The following HTR1F variants were observed in gnomAD, a reference collection of about 807,000 sequenced individuals.
The protein encoded by HTR1F is 5-hydroxytryptamine receptor 1F.
HTR1F carries 17 observed loss-of-function variants against 24.0 expected under a neutral mutation model. That is an observed-to-expected ratio of 0.71 (90% confidence interval 0.48 to 1.06). The LOEUF is 1.06. Ranked by LOEUF, HTR1F falls within the 50% of genes least tolerant of loss-of-function variation. HTR1F has a pLI of 0.00. For missense variants in HTR1F, 391 were observed against 427.8 expected (o/e 0.91, Z 0.76); for synonymous variants, 186 against 156.8 (o/e 1.19, Z -1.39).
intron 1 of HTR1F, among the ~76,000 whole-genome samples, chr3:87,801,914 CCTTTAATA>C (rs2107068545): frequency 6.6e-6 from 1 of 152,226 alleles, no homozygotes; most frequent in Admixed American, 6.5e-5. Flanking sequence ...ATGTTTTGAT[CCTTTAATA>C]CTTTGTTTTT....
intron 2 of HTR1F, among the ~76,000 whole-genome samples, chr3:87,829,401 T>C (rs544516862): frequency 6.6e-6 from 1 of 152,352 alleles, no homozygotes; most frequent in African/African-American, 2.4e-5. Context: ...ATATGCGATA[T>C]GCACAATGTG....
intron 2 of HTR1F, among the ~76,000 whole-genome samples, chr3:87,852,835 CTT>C (rs1018582911): frequency 1.3e-5 from 2 of 151,692 alleles, no homozygotes; most frequent in African/African-American, 4.9e-5. Flanking sequence ...AATATTAAAA[CTT>C]ATTGTGATTC....
intron 2 of HTR1F, among the ~76,000 whole-genome samples, chr3:87,978,894 A>C (rs13061379): frequency 3.5e-4 from 9 of 25,678 alleles, no homozygotes; most frequent in African/African-American, 8.0e-4. Context: ...GGGAGGGAGG[A>C]AGGAAGGAAG....
At chr3:87,988,675 C>T (rs539854721) in intron 2 of HTR1F, among the ~76,000 whole-genome samples, 1 of 152,088 alleles carries the variant, frequency 6.6e-6, no homozygotes, top group Non-Finnish European at 1.5e-5. Flanking sequence ...CCTCCACTTC[C>T]CGAGTTCAAG....
chr3:87,981,062 C>A (rs144717226), intron 2 of HTR1F, among the ~76,000 whole-genome samples: 1 of 152,160 alleles, frequency 6.6e-6, no homozygotes, highest in Non-Finnish European at 1.5e-5. Flanking sequence ...TCCCAGCTCC[C>A]GCCAGCTCCC....
At chr3:87,817,933 A>G (rs1398109271) in intron 1 of HTR1F, among the ~76,000 whole-genome samples, 4 of 152,196 alleles carry the variant, frequency 2.6e-5, no homozygotes, top group African/African-American at 9.6e-5. Flanking sequence ...TTCATCAAAG[A>G]TGGAATTGAC....
chr3:87,936,560 C>T (rs1704423421), intron 2 of HTR1F, among the ~76,000 whole-genome samples: 1 of 151,952 alleles, frequency 6.6e-6, no homozygotes, highest in African/African-American at 2.4e-5. Flanking sequence ...CAATAAGATA[C>T]CACAGACTGG....
intron 2 of HTR1F, among the ~76,000 whole-genome samples, chr3:87,893,467 T>C (rs1706127974): frequency 6.6e-6 from 1 of 152,210 alleles, no homozygotes. Flanking sequence ...ATTTTGCAGA[T>C]TATTATTAGA....
At chr3:87,895,422 C>T (rs1706177324) in intron 2 of HTR1F, among the ~76,000 whole-genome samples, 3 of 151,966 alleles carry the variant, frequency 2.0e-5, no homozygotes, top group African/African-American at 7.2e-5. Context: ...CATATATACA[C>T]ACATATTATT....
chr3:87,849,106 A>C (rs1297368294), intron 2 of HTR1F, among the ~76,000 whole-genome samples: 1 of 151,500 alleles, frequency 6.6e-6, no homozygotes, highest in African/African-American at 2.4e-5. Context: ...GGAAAAAACT[A>C]CTTTAAAGTT....
chr3:87,816,638 T>G (rs770054567), intron 1 of HTR1F, among the ~76,000 whole-genome samples: 5 of 152,084 alleles, frequency 3.3e-5, no homozygotes, highest in African/African-American at 4.8e-5. Context: ...ACAGCTCTTA[T>G]TTGTATAAAT....
intron 2 of HTR1F, among the ~76,000 whole-genome samples, chr3:87,857,555 C>T (rs1221734446): frequency 7.2e-5 from 11 of 152,078 alleles, no homozygotes; most frequent in Non-Finnish European, 8.8e-5. Context: ...TCTAAATGTC[C>T]GTGATCTCCA....
intron 2 of HTR1F, among the ~76,000 whole-genome samples, chr3:87,894,378 T>C (rs1438887591): frequency 6.6e-6 from 1 of 151,828 alleles, no homozygotes; most frequent in Admixed American, 6.6e-5. Flanking sequence ...AGCCTCAGCC[T>C]CCCGAGTAGC....
At chr3:87,858,623 G>A (rs1343251485) in intron 2 of HTR1F, among the ~76,000 whole-genome samples, 1 of 151,326 alleles carries the variant, frequency 6.6e-6, no homozygotes, top group Non-Finnish European at 1.5e-5. Context: ...GTAATTGCTT[G>A]TAAAATTAAT....
intron 2 of HTR1F, among the ~76,000 whole-genome samples, chr3:87,869,394 TAG>T (rs1491192675): frequency 1.4e-5 from 1 of 69,310 alleles, no homozygotes. Context: ...GACAAACAGA[TAG>T]ATAGATAGAT....
intron 2 of HTR1F, among the ~76,000 whole-genome samples, chr3:87,836,278 T>C (rs1464815236): frequency 2.0e-5 from 3 of 152,210 alleles, no homozygotes; most frequent in Admixed American, 2.0e-4. Flanking sequence ...AAATTACCAT[T>C]AGCGAGAGAA....
At chr3:87,936,971 G>A (rs1344163637) in intron 2 of HTR1F, among the ~76,000 whole-genome samples, 4 of 145,574 alleles carry the variant, frequency 2.7e-5, no homozygotes, top group African/African-American at 1.0e-4. Context: ...CTCCAAAACT[G>A]AATAAAAATA....
rs1184108024 is a variant in HTR1F, at chr3:87,978,890, G to GAGGA, written c.-42-11776_-42-11773dup. ...GATGGAAGGAAGGGAGGGAGGGAGG[G>GAGGA]AGGAAGGAAGGAAGGAAGGAAGGAA... On this transcript the variant is annotated intron_variant, in intron 2 of 2. Coordinates refer to ENST00000319595, the MANE Select transcript of HTR1F (RefSeq NM_001322209.2). Among the ~76,000 whole-genome samples the GAGGA allele has an allele frequency of 8.2e-3, 378 of 46,012 alleles. 3 individuals are homozygous for GAGGA. The highest frequency in any genetic ancestry group is 0.014 in the African/African-American group (167 of 12,212). The allele number at this position is 46,012 out of a possible 152,430, so 30.2% of individuals were successfully genotyped here. A position where few individuals can be genotyped will look rare whatever the true frequency, so the allele number is the denominator to read the frequency against.
At chr3:87,798,080 G>A (rs2107058464) in intron 1 of HTR1F, among the ~76,000 whole-genome samples, 1 of 152,222 alleles carries the variant, frequency 6.6e-6, no homozygotes, top group East Asian at 1.9e-4. Flanking sequence ...TGCAGTTGAT[G>A]GCATCATAAA....
Sources: gnomAD v4.1 joint callset for allele counts (sites outside exome capture counted in the v4.1 genomes callset) on GRCh38, gnomAD v4.1.1 for gene constraint, MANE v1.5 for transcripts, NCBI Gene and HGNC (gene_info 2026-07-23, HGNC 2026-07-21) for gene names.